EDEM3: variants seen among roughly 807,000 people sequenced by gnomAD.
EDEM3 encodes the protein ER degradation-enhancing alpha-mannosidase-like protein 3.
Under a neutral mutation model 110.2 loss-of-function variants are expected in EDEM3, and 60 were observed. The observed-to-expected ratio is 0.54, with a 90% CI of 0.44 to 0.67. The LOEUF (loss-of-function observed/expected upper bound fraction) is 0.67, where lower values mean the gene tolerates loss of function less well. EDEM3 is among the 30% of genes least tolerant of loss of function. The probability of loss-of-function intolerance (pLI) is 0.00; values close to 1 mark genes in which losing one functional copy is unlikely to be tolerated. For synonymous variants in EDEM3, 352 were observed against 382.9 expected, an observed-to-expected ratio of 0.92 and a Z score of 0.94; for missense variants, 996 against 1,121.0, an observed-to-expected ratio of 0.89 and a Z score of 1.59.
intron 18 of EDEM3, 128 bp downstream of exon 18, chr1:184,706,515 C>G: frequency 1.4e-6 from 1 of 710,024 alleles, no homozygotes; most frequent in South Asian, 2.8e-5. Context: ...GATTACCTAT[C>G]CTTGTTGTCT....
At chr1:184,745,598 G>C (rs1045954603) in intron 2 of EDEM3, among the ~76,000 whole-genome samples, 5 of 151,968 alleles carry the variant, frequency 3.3e-5, no homozygotes, top group African/African-American at 9.7e-5. Context: ...TTAAACATTG[G>C]GGGGTAGGGG....
In EDEM3 at chr1:184,729,153, C is replaced by T. The variant is rs570483784; in HGVS notation, c.613-2764G>A. Among the ~76,000 whole-genome samples, 5 of 152,116 alleles carry T rather than the reference C, an allele frequency of 3.3e-5. 1 individual carries two copies. In the South Asian group the frequency reaches 1.0e-3, roughly 32 times the overall value. On this transcript the variant is annotated intron_variant, in intron 6 of 19. Transcript: ENST00000318130. Reference sequence around the variant, plus strand: ...TAGTAATAAGGAGCTTATTGTCCTGCTTTCTTGAGAGGTTTAAGAAAAAAA... The same window carrying T: ...TAGTAATAAGGAGCTTATTGTCCTGTTTTCTTGAGAGGTTTAAGAAAAAAA...
At chr1:184,704,706 CTTAT>C (rs1240146104) in intron 18 of EDEM3, among the ~76,000 whole-genome samples, 3 of 131,874 alleles carry the variant, frequency 2.3e-5, no homozygotes, top group Non-Finnish European at 4.8e-5. Flanking sequence ...ATCATCATCT[CTTAT>C]TTATTTATCC....
chr1:184,721,437 A>AT lies in EDEM3; in HGVS notation c.854-52dup, dbSNP rs368761756. 5 of 1,452,724 alleles carry AT rather than the reference A, an allele frequency of 3.4e-6. No individual in the cohort carries two copies. The African/African-American group carries it at 5.8e-5, about 17-fold the overall frequency. The allele number at this position is 1,452,724 out of a possible 1,614,324, so 90.0% of individuals were successfully genotyped here. On this transcript the variant is annotated intron_variant, in intron 8 of 19. Coordinates refer to ENST00000318130, the MANE Select transcript of EDEM3 (RefSeq NM_025191.4). Reference sequence around the variant, plus strand: ...CATTAAATTTTTTTAAAACCGTTAAATTTTTTTAAAAAAATAGCACTCCTT... The same window carrying AT: ...CATTAAATTTTTTTAAAACCGTTAAATTTTTTTTAAAAAAATAGCACTCCTT...
intron 9 of EDEM3, among the ~76,000 whole-genome samples, chr1:184,720,090 CTT>C (rs1650799342): frequency 6.6e-6 from 1 of 152,170 alleles, no homozygotes; most frequent in African/African-American, 2.4e-5. Flanking sequence ...TTTTTCCCTT[CTT>C]TTGTCTTCTT....
chr1:184,717,306 A>G (rs1048494480), intron 12 of EDEM3, among the ~76,000 whole-genome samples: 7 of 152,236 alleles, frequency 4.6e-5, no homozygotes, highest in African/African-American at 1.7e-4. Flanking sequence ...TCTAGAACAT[A>G]AAATTTCTCT....
At chr1:184,733,043 A>G (rs1651616425) in intron 5 of EDEM3, 53 bp from the exon 6 acceptor site, 1 of 1,532,528 alleles carries the variant, frequency 6.5e-7, no homozygotes, top group Non-Finnish European at 8.8e-7. Flanking sequence ...ATTAAAAGTT[A>G]CCATCTAAAA....
chr1:184,721,189 T>G, intron 9 of EDEM3, 100 bp downstream of exon 9: 2 of 946,272 alleles, frequency 2.1e-6, no homozygotes, highest in Non-Finnish European at 3.2e-6. Context: ...ACTACACATT[T>G]TAAAAATTAT....
intron 18 of EDEM3, 110 bp downstream of exon 18, chr1:184,706,533 G>GT (rs1649936139): frequency 1.6e-5 from 16 of 1,007,800 alleles, no homozygotes; most frequent in Non-Finnish European, 2.1e-5. Context: ...TCTAGGTGAG[G>GT]TAAAAAAAAC....
chr1:184,747,673 TTC>T (rs1652506124), intron 2 of EDEM3, among the ~76,000 whole-genome samples: 2 of 152,258 alleles, frequency 1.3e-5, no homozygotes, highest in South Asian at 4.1e-4. Flanking sequence ...GCTGAAATCC[TTC>T]TCTCTTAAAT....
At chr1:184,719,108 GTGTGTGTGTGTGTT>G in intron 11 of EDEM3, 40 bp downstream of exon 11, 1 of 1,013,096 alleles carries the variant, frequency 9.9e-7, no homozygotes, top group Non-Finnish European at 1.5e-6. Flanking sequence ...GTGTACGTGT[GTGTGTGTGTGTGTT>G]TGTGTGTGTG....
At chr1:184,698,646 C>CA (rs1185282071) in intron 19 of EDEM3, among the ~76,000 whole-genome samples, 1 of 151,854 alleles carries the variant, frequency 6.6e-6, no homozygotes, top group African/African-American at 2.4e-5. Flanking sequence ...GTTTTTAATA[C>CA]ACTTCTGGAT....
At chr1:184,737,969 T>C (rs1651928620) in intron 2 of EDEM3, among the ~76,000 whole-genome samples, 1 of 152,114 alleles carries the variant, frequency 6.6e-6, no homozygotes, top group Non-Finnish European at 1.5e-5. Flanking sequence ...TTCCTAGAGC[T>C]AACTACTGAT....
At chr1:184,733,685 G>A (rs1440847386) in intron 5 of EDEM3, among the ~76,000 whole-genome samples, 2 of 152,022 alleles carry the variant, frequency 1.3e-5, no homozygotes, top group African/African-American at 4.8e-5. Flanking sequence ...AAAATTAGCT[G>A]GGCATGGTGG....
intron 12 of EDEM3, among the ~76,000 whole-genome samples, 153 bp downstream of exon 12, chr1:184,717,387 A>G (rs1387759847): frequency 6.6e-6 from 1 of 152,084 alleles, no homozygotes; most frequent in Non-Finnish European, 1.5e-5. Flanking sequence ...TCATTCAATA[A>G]TTCTATGGAC....
chr1:184,754,395 G>A lies in EDEM3; in HGVS notation c.158+94C>T, dbSNP rs543387613. On this transcript the variant is annotated intron_variant, in intron 1 of 19. Transcript: ENST00000318130. ...GGGAAGAGCCGTTCCAATCGCGACA[G>A]GAGAGGCCACTACGCGACCGGGTCG... is the stretch of plus-strand genomic sequence containing the variant. The A allele has an allele frequency of 1.9e-6, 3 of 1,569,548 alleles. No individual in the cohort carries two copies. The East Asian group carries it at 6.8e-5, about 36-fold the overall frequency.
At chr1:184,706,491 AT>A (rs1486668065) in intron 18 of EDEM3, 151 bp downstream of exon 18, 18 of 578,312 alleles carry the variant, frequency 3.1e-5, no homozygotes, top group Non-Finnish European at 5.1e-5. Context: ...ATATCTAGAA[AT>A]TAAAAGTCAT....
At chr1:184,732,271 C>T (rs1651570863) in intron 6 of EDEM3, among the ~76,000 whole-genome samples, 1 of 150,678 alleles carries the variant, frequency 6.6e-6, no homozygotes, top group Non-Finnish European at 1.5e-5. Flanking sequence ...CAATTGATCT[C>T]ATGGAGATAG....
rs529920976 is a variant in EDEM3 at position 184,704,121 on chromosome 1, G to A, written c.2204-1125C>T. On this transcript the variant is annotated intron_variant, in intron 18 of 19. Transcript: ENST00000318130. The stretch of plus-strand genomic sequence containing the variant: ...GGTGAATCCTAGTTGTATTTGTACT[G>A]TTTAATTCACTAAAAATAATCCATT... Among the ~76,000 whole-genome samples the A allele has an allele frequency of 2.0e-5, 3 of 152,186 alleles. No individual in the cohort carries two copies. In the East Asian group the frequency reaches 5.8e-4, roughly 29 times the overall value.
Sources: allele counts gnomAD v4.1 joint callset (sites outside exome capture counted in the v4.1 genomes callset), GRCh38; gene constraint gnomAD v4.1.1; transcripts MANE v1.5; gene names NCBI Gene and HGNC (gene_info 2026-07-23, HGNC 2026-07-21).